The following EPHA6 variants were observed in gnomAD, a reference collection of about 807,000 sequenced individuals.
EPHA6 encodes EPH receptor A6.
In EPHA6, 50 loss-of-function variants were observed where a neutral mutation model predicts 112.0. The observed-to-expected ratio is 0.45, with a 90% CI of 0.36 to 0.56. The LOEUF is 0.56. Among genes scored for constraint, EPHA6 ranks in the 20% least tolerant of loss-of-function variants. EPHA6 has a pLI of 0.00. For synonymous variants in EPHA6, 529 were observed against 490.7 expected (o/e 1.08, Z -1.03); for missense variants, 1,280 against 1,417.4 (o/e 0.90, Z 1.56).
intron 2 of EPHA6, among the ~76,000 whole-genome samples, chr3:96,958,657 A>G (rs2041850911): frequency 6.6e-6 from 1 of 152,178 alleles, no homozygotes; most frequent in African/African-American, 2.4e-5. Context: ...AGAACTAGAC[A>G]AACGGTAATC....
At chr3:97,461,138 G>A (rs1378619035) in intron 7 of EPHA6, among the ~76,000 whole-genome samples, 3 of 152,130 alleles carry the variant, frequency 2.0e-5, no homozygotes, top group Non-Finnish European at 4.4e-5. Context: ...AGGATGGCCT[G>A]ACTTTGGTCT....
At chr3:97,280,021 G>T (rs1478010142) in intron 5 of EPHA6, among the ~76,000 whole-genome samples, 1 of 152,172 alleles carries the variant, frequency 6.6e-6, no homozygotes, top group Non-Finnish European at 1.5e-5. Context: ...GAGCAGCTGG[G>T]ATTACAGGCA....
intron 3 of EPHA6, among the ~76,000 whole-genome samples, chr3:97,051,183 A>T (rs539410210): frequency 6.6e-6 from 1 of 152,312 alleles, no homozygotes; most frequent in South Asian, 2.1e-4. Context: ...TTTGTTTAAC[A>T]CTAAATAGTC....
intron 4 of EPHA6, among the ~76,000 whole-genome samples, chr3:97,236,133 T>G (rs1163988124): frequency 6.6e-6 from 1 of 151,950 alleles, no homozygotes; most frequent in Admixed American, 6.6e-5. Flanking sequence ...CAATTAGGGC[T>G]GCCTCTGGGA....
intron 10 of EPHA6, among the ~76,000 whole-genome samples, chr3:97,500,630 G>C (rs370856868): frequency 1.3e-5 from 2 of 152,290 alleles, no homozygotes; most frequent in South Asian, 4.1e-4. Context: ...TCTGGATGGA[G>C]AGACAGATCC....
chr3:97,249,870 G>C (rs147997465), intron 5 of EPHA6, among the ~76,000 whole-genome samples: 1 of 152,244 alleles, frequency 6.6e-6, no homozygotes, highest in Non-Finnish European at 1.5e-5. Context: ...GAACTGTTCT[G>C]TGTTCTAGGA....
At chr3:97,340,840 C>G (rs2083268969) in intron 5 of EPHA6, among the ~76,000 whole-genome samples, 1 of 152,154 alleles carries the variant, frequency 6.6e-6, no homozygotes, top group Non-Finnish European at 1.5e-5. Context: ...GGGGCCCTAC[C>G]CCTATGACCT....
chr3:96,873,131 G>A (rs1014708209), intron 2 of EPHA6, among the ~76,000 whole-genome samples: 8 of 152,010 alleles, frequency 5.3e-5, no homozygotes, highest in African/African-American at 1.7e-4. Flanking sequence ...AGCTGGGCAT[G>A]GTGGGTACCT....
intron 10 of EPHA6, among the ~76,000 whole-genome samples, chr3:97,489,566 G>A (rs1056055782): frequency 1.3e-5 from 2 of 150,872 alleles, no homozygotes; most frequent in East Asian, 3.9e-4. Context: ...GGTGCCTGTA[G>A]TCCCAGCTAC....
chr3:97,561,094 C>T lies in EPHA6; in HGVS notation c.2386+28551C>T, dbSNP rs150703377. On this transcript the variant is annotated intron_variant, in intron 11 of 17. Transcript: ENST00000389672. ...ACTGTTCCACCAATCAGCCATTCCTCCATTTCTCTCTCCTCAGGTCTCACT... is the reference window on the plus strand; with the variant it reads ...ACTGTTCCACCAATCAGCCATTCCTTCATTTCTCTCTCCTCAGGTCTCACT... Among the ~76,000 whole-genome samples the T allele has an allele frequency of 1.0e-3, 159 of 152,004 alleles. 1 individual carries two copies. Among genetic ancestry groups the T allele is most frequent in the African/African-American group, 3.7e-3 (152 of 41,490 alleles).
intron 13 of EPHA6, among the ~76,000 whole-genome samples, chr3:97,613,778 C>T (rs1013879695): frequency 2.0e-5 from 3 of 152,168 alleles, no homozygotes; most frequent in Non-Finnish European, 2.9e-5. Context: ...CACAACTTCA[C>T]CAATGTGCAG....
chr3:97,604,588 A>G lies in EPHA6; in HGVS notation c.2513-6205A>G, dbSNP rs79066155. Reference sequence around the variant, plus strand: ...CACAAAAGGAAAGGAAAGTAGATGGACATCAACATTTTAGTGACAAACATT... The same window carrying G: ...CACAAAAGGAAAGGAAAGTAGATGGGCATCAACATTTTAGTGACAAACATT... On this transcript the variant is annotated intron_variant, in intron 12 of 17. Transcript: ENST00000389672. Among the ~76,000 whole-genome samples, 534 of 151,862 alleles carry G rather than the reference A, an allele frequency of 3.5e-3. 3 individuals carry two copies. The highest frequency in any genetic ancestry group is 0.012 in the African/African-American group (516 of 41,514).
intron 2 of EPHA6, among the ~76,000 whole-genome samples, chr3:96,980,427 C>T (rs2042717123): frequency 6.6e-6 from 1 of 151,910 alleles, no homozygotes; most frequent in Admixed American, 6.6e-5. Flanking sequence ...GTTTTGGTAC[C>T]AGTACCATGC....
intron 2 of EPHA6, among the ~76,000 whole-genome samples, chr3:96,943,735 G>A (rs1475099467): frequency 6.6e-6 from 1 of 152,196 alleles, no homozygotes; most frequent in Admixed American, 6.5e-5. Flanking sequence ...GTTGATTACT[G>A]TAGTCCCAGC....
At chr3:97,151,107 C>A (rs1008636954) in intron 3 of EPHA6, among the ~76,000 whole-genome samples, 1 of 152,120 alleles carries the variant, frequency 6.6e-6, no homozygotes, top group African/African-American at 2.4e-5. Flanking sequence ...TATGCCCCAG[C>A]AAACTTGATT....
At chr3:97,426,137 C>G (rs1333785595) in intron 6 of EPHA6, among the ~76,000 whole-genome samples, 4 of 152,206 alleles carry the variant, frequency 2.6e-5, no homozygotes, top group Non-Finnish European at 4.4e-5. Flanking sequence ...TATCTTTACA[C>G]CATCACCCCA....
intron 10 of EPHA6, among the ~76,000 whole-genome samples, chr3:97,484,686 T>A (rs896338312): frequency 6.6e-6 from 1 of 152,216 alleles, no homozygotes; most frequent in Non-Finnish European, 1.5e-5. Context: ...TTTCAGATGC[T>A]TGACCCAAGG....
chr3:96,921,760 G>T (rs926836913), intron 2 of EPHA6, among the ~76,000 whole-genome samples: 17 of 151,840 alleles, frequency 1.1e-4, no homozygotes, highest in Admixed American at 3.9e-4. Flanking sequence ...TAGAGATGGG[G>T]TTTCACCATG....
At chr3:97,509,999 A>G (rs542123845) in intron 10 of EPHA6, among the ~76,000 whole-genome samples, 1 of 152,132 alleles carries the variant, frequency 6.6e-6, no homozygotes, top group East Asian at 1.9e-4. Flanking sequence ...ACTTGTGTAC[A>G]CTTCATGAAC....
Sources: gnomAD v4.1 joint callset for allele counts (sites outside exome capture counted in the v4.1 genomes callset) on GRCh38, gnomAD v4.1.1 for gene constraint, MANE v1.5 for transcripts, NCBI Gene and HGNC (gene_info 2026-07-23, HGNC 2026-07-21) for gene names.